Variants in PAFAH1B2 observed in about 807,000 individuals in gnomAD.
PAFAH1B2 encodes the protein platelet activating factor acetylhydrolase 1b catalytic subunit 2, also known as platelet-activating factor acetylhydrolase IB subunit alpha2.
PAFAH1B2 carries 8 observed loss-of-function variants against 28.0 expected under a neutral mutation model. The ratio of observed to expected loss-of-function variants is 0.29; its 90% CI spans 0.17 to 0.52. The LOEUF (loss-of-function observed/expected upper bound fraction) is 0.52. PAFAH1B2 is among the 20% of genes least tolerant of loss of function. The pLI, the probability that PAFAH1B2 is intolerant of heterozygous loss-of-function variation, is 0.97. For synonymous variants in PAFAH1B2, 104 were observed against 103.2 expected (o/e 1.01, Z -0.05); for missense variants, 190 against 282.6 (o/e 0.67, Z 2.35).
rs74370283 is a variant in PAFAH1B2, at chr11:117,160,083, A to G, written c.171+60A>G. The G allele has an allele frequency of 4.4e-6, 5 of 1,129,700 alleles. No individual in the cohort carries two copies. The African/African-American group carries it at 4.6e-5, about 10-fold the overall frequency. 70.0% of individuals were successfully genotyped at this position (1,129,700 alleles called of 1,614,324 possible). A position where few individuals can be genotyped will look rare whatever the true frequency, so the allele number is the denominator to read the frequency against. ...ACTCATGTATATCCATTCATTACTA[A>G]CAGACTTTCATTCTGAGCTGAACTT... On this transcript the variant is annotated intron_variant, in intron 3 of 5. Coordinates refer to ENST00000527958, the MANE Select transcript of PAFAH1B2 (RefSeq NM_002572.4).
At chr11:117,145,355 T>G (rs576044272) in intron 1 of PAFAH1B2, among the ~76,000 whole-genome samples, 1 of 152,294 alleles carries the variant, frequency 6.6e-6, no homozygotes, top group Non-Finnish European at 1.5e-5. Flanking sequence ...TTCGCCTCTT[T>G]GTAGAGCTTA....
chr11:117,169,875 G>A lies in PAFAH1B2; in HGVS notation c.*2176G>A. The A allele has an allele frequency of 2.3e-5, 24 of 1,054,736 alleles. No individual in the cohort carries two copies. The highest frequency in any genetic ancestry group is 2.8e-5 in the Non-Finnish European group (24 of 872,666). 65.3% of individuals were successfully genotyped at this position (1,054,736 alleles called of 1,614,324 possible). A position where few individuals can be genotyped will look rare whatever the true frequency, so the allele number is the denominator to read the frequency against. On this transcript the variant is annotated 3_prime_UTR_variant, in exon 6 of 6. Transcript: ENST00000527958. ...GAGTATGGTCCAAATAAATCCATTAGGTTACTCCTGCAGCATGCGCTTTTA... is the reference window on the plus strand; with the variant it reads ...GAGTATGGTCCAAATAAATCCATTAAGTTACTCCTGCAGCATGCGCTTTTA...
At position 117,168,934 on chromosome 11, in the gene PAFAH1B2, G is replaced by A. The variant is rs1419645298; in HGVS notation, c.*1235G>A. 2 of 285,864 alleles carry A rather than the reference G, an allele frequency of 7.0e-6. No homozygotes were observed. Among genetic ancestry groups the A allele is most frequent in the Admixed American group, 6.2e-5 (1 of 16,106 alleles). The allele number at this position is 285,864 out of a possible 1,614,324, so 17.7% of individuals were successfully genotyped here. A position where few individuals can be genotyped will look rare whatever the true frequency, so the allele number is the denominator to read the frequency against. On this transcript the variant is annotated 3_prime_UTR_variant, in exon 6 of 6. Coordinates refer to ENST00000527958, the MANE Select transcript of PAFAH1B2 (RefSeq NM_002572.4). ...GCTTCCTGAGTAGCTGGGATTACAG[G>A]TGCATGCCACCATGCCCGGCTAATT...
intron 5 of PAFAH1B2, among the ~76,000 whole-genome samples, chr11:117,165,597 T>C (rs901963098): frequency 6.6e-5 from 10 of 152,190 alleles, no homozygotes; most frequent in African/African-American, 2.2e-4. Context: ...CACAGAATTA[T>C]TATACTGTGT....
At chr11:117,172,387 TATATATA>T (rs1956685430), downstream of PAFAH1B2, among the ~76,000 whole-genome samples, 3 of 2,176 alleles carry the variant, frequency 1.4e-3, no homozygotes, top group East Asian at 0.014. Context: ...TATATATATA[TATATATA>T]TATATATATA....
downstream of PAFAH1B2, among the ~76,000 whole-genome samples, chr11:117,172,371 TATATATATATATATATATA>T (rs1956673559): frequency 4.3e-3 from 13 of 2,992 alleles, no homozygotes; most frequent in African/African-American, 0.014. Context: ...TATATATATA[TATATATATATATATATATA>T]TATATATATA....
downstream of PAFAH1B2, among the ~76,000 whole-genome samples, chr11:117,172,961 C>G (rs1412326656): frequency 1.3e-5 from 2 of 152,222 alleles, no homozygotes; most frequent in Non-Finnish European, 2.9e-5. Flanking sequence ...CCTTAGCCTC[C>G]CAAAGTTCTG....
chr11:117,164,421 T>C (rs1591749836), intron 5 of PAFAH1B2, among the ~76,000 whole-genome samples: 1 of 151,920 alleles, frequency 6.6e-6, no homozygotes, highest in Non-Finnish European at 1.5e-5. Context: ...AAAAAAAGTA[T>C]GGAAGCCGTT....
At chr11:117,175,989 TTGGCAGCTGAC>T, downstream of PAFAH1B2, 2 of 1,434,898 alleles carry the variant, frequency 1.4e-6, no homozygotes, top group Non-Finnish European at 1.9e-6. Context: ...TTCTCCAAAC[TTGGCAGCTGAC>T]TGCATGGAGG....
At chr11:117,153,007 A>G (rs1211339595) in intron 2 of PAFAH1B2, among the ~76,000 whole-genome samples, 3 of 152,180 alleles carry the variant, frequency 2.0e-5, no homozygotes, top group African/African-American at 4.8e-5. Flanking sequence ...CGGAGGTTGC[A>G]GTGAGCCGAG....
rs1956547149 is a variant in PAFAH1B2 at position 117,167,807 on chromosome 11, C to G, written c.*108C>G. 7.6e-7 allele frequency: 1 copy of G among 1,315,308 alleles called. No homozygotes were observed. The highest frequency in any genetic ancestry group is 9.8e-7 in the Non-Finnish European group (1 of 1,024,558). 81.5% of individuals were successfully genotyped at this position (1,315,308 alleles called of 1,614,324 possible). ...AGGCACTTTGCATTGTAGAATGTTC[C>G]TGGATGTTCATATCTAGTGTTTGAA... On this transcript the variant is annotated 3_prime_UTR_variant, in exon 6 of 6. Coordinates refer to ENST00000527958, the MANE Select transcript of PAFAH1B2 (RefSeq NM_002572.4).
At chr11:117,160,356 T>A (rs931875152) in intron 3 of PAFAH1B2, among the ~76,000 whole-genome samples, 8 of 152,260 alleles carry the variant, frequency 5.3e-5, no homozygotes, top group Non-Finnish European at 1.0e-4. Context: ...CTAATAACAT[T>A]TATCCTAGTC....
chr11:117,158,895 C>G (rs1192659147), intron 2 of PAFAH1B2, among the ~76,000 whole-genome samples: 2 of 152,064 alleles, frequency 1.3e-5, no homozygotes, highest in Non-Finnish European at 2.9e-5. Flanking sequence ...TCTGCCCACC[C>G]TGGCCTCCCA....
intron 4 of PAFAH1B2, 118 bp from the exon 5 acceptor site, chr11:117,163,652 G>A (rs1956428721): frequency 9.7e-7 from 1 of 1,027,638 alleles, no homozygotes; most frequent in Non-Finnish European, 1.4e-6. Context: ...CAGTCTGGGT[G>A]ATAGAGCGAG....
chr11:117,164,758 G>A (rs966321970), intron 5 of PAFAH1B2, among the ~76,000 whole-genome samples: 2 of 151,632 alleles, frequency 1.3e-5, no homozygotes, highest in Non-Finnish European at 2.9e-5. Context: ...GCTGTAGGCC[G>A]GGTGTGGTGG....
chr11:117,175,311 G>A, downstream of PAFAH1B2: 1 of 1,070,240 alleles, frequency 9.3e-7, no homozygotes, highest in South Asian at 4.5e-5. Flanking sequence ...TTTTTTTGCT[G>A]ACTGCTGCAG....
intron 4 of PAFAH1B2, among the ~76,000 whole-genome samples, 192 bp downstream of exon 4, chr11:117,161,453 G>A (rs1205665340): frequency 6.6e-6 from 1 of 151,248 alleles, no homozygotes; most frequent in East Asian, 1.9e-4. Flanking sequence ...CTAGTGAATT[G>A]TTTGCCTATT....
At chr11:117,156,050 A>T (rs998423996) in intron 2 of PAFAH1B2, among the ~76,000 whole-genome samples, 11 of 152,120 alleles carry the variant, frequency 7.2e-5, no homozygotes, top group Admixed American at 2.6e-4. Flanking sequence ...TTCACTGGGC[A>T]TGGTGGTGTG....
In PAFAH1B2 at chr11:117,167,538, G is replaced by C; in HGVS notation, c.529G>C (p.Gly177Arg). ...LANVQLLDTD[G>R]GFVHSDGAIS... The stretch of plus-strand genomic sequence containing the variant: ...CAACGTGCAGCTCCTGGATACCGAC[G>C]GGGGTTTTGTGCACTCGGACGGTGC... Residue 177 changes from glycine to arginine, a missense_variant, in exon 6 of 6, where the codon GGG becomes CGG. Gly to Arg is a moderately radical substitution (Grantham distance 125). Transcript: ENST00000527958. The C allele has an allele frequency of 6.2e-7, 1 of 1,613,158 alleles. No homozygotes were observed. Among genetic ancestry groups the C allele is most frequent in the East Asian group, 2.2e-5 (1 of 44,874 alleles).
Sources: gnomAD v4.1 joint callset for allele counts (sites outside exome capture counted in the v4.1 genomes callset) on GRCh38, gnomAD v4.1.1 for gene constraint, MANE v1.5 for transcripts, NCBI Gene and HGNC (gene_info 2026-07-23, HGNC 2026-07-21) for gene names.